The following ELK4 variants were observed in gnomAD, a reference collection of about 807,000 sequenced individuals.
ELK4 encodes the protein ETS transcription factor ELK4.
Under a neutral mutation model 29.6 loss-of-function variants are expected in ELK4, and 16 were observed. The ratio of observed to expected loss-of-function variants is 0.54; its 90% CI spans 0.37 to 0.82. ELK4 has a LOEUF of 0.82. ELK4 is among the 40% of genes least tolerant of loss of function. The pLI, the probability that ELK4 is intolerant of heterozygous loss-of-function variation, is 0.00. For synonymous variants in ELK4, 213 were observed against 191.1 expected (o/e 1.11, Z -0.95); for missense variants, 465 against 507.1 (o/e 0.92, Z 0.80).
intron 4 of ELK4, among the ~76,000 whole-genome samples, chr1:205,617,659 C>T (rs1325179122): frequency 2.6e-5 from 4 of 151,790 alleles, no homozygotes; most frequent in South Asian, 2.1e-4. Flanking sequence ...CCCAGCACTT[C>T]GGGAGGCTGA....
chr1:205,618,415 T>C (rs1670272298), intron 4 of ELK4, among the ~76,000 whole-genome samples: 1 of 152,142 alleles, frequency 6.6e-6, no homozygotes, highest in Admixed American at 6.5e-5. Flanking sequence ...GAACAATTCT[T>C]GGTCTAACTC....
chr1:205,631,304 C>CT (rs1281851098), intron 1 of ELK4, among the ~76,000 whole-genome samples: 2 of 152,234 alleles, frequency 1.3e-5, no homozygotes, highest in African/African-American at 4.8e-5. Context: ...AATTACTGTA[C>CT]TTTCATTTTC....
At position 205,609,986 on chromosome 1, in the gene ELK4, TAAAC is replaced by T. The variant is rs1406300501; in HGVS notation, c.*6556_*6559del. 2 of 230,104 alleles carry T rather than the reference TAAAC, an allele frequency of 8.7e-6. No homozygotes were observed. Among genetic ancestry groups the T allele is most frequent in the Non-Finnish European group, 1.7e-5 (2 of 116,144 alleles). The allele number at this position is 230,104 out of a possible 1,614,324, so 14.3% of individuals were successfully genotyped here. On this transcript the variant is annotated 3_prime_UTR_variant, in exon 5 of 5. Transcript: ENST00000357992. Reference sequence around the variant, plus strand: ...ACCCTCAATATCCTTAAGTTGAAATTAAACAAACAAAATAATCATTAAGTGCTTC... The same window carrying T: ...ACCCTCAATATCCTTAAGTTGAAATTAAACAAAATAATCATTAAGTGCTTC...
chr1:205,630,961 A>C (rs1670570755), intron 1 of ELK4, among the ~76,000 whole-genome samples: 1 of 152,254 alleles, frequency 6.6e-6, no homozygotes, highest in African/African-American at 2.4e-5. Flanking sequence ...TTCAAATAGC[A>C]ATAGCTGGAG....
rs752544709 is a variant in ELK4, at chr1:205,611,368, AC to A, written c.*5177del. ...AACCACCTTCTTTTCTTAATACACGACCAACCACAAGAATTCTAGATCCTAA... is the reference window on the plus strand; with the variant it reads ...AACCACCTTCTTTTCTTAATACACGACAACCACAAGAATTCTAGATCCTAA... On this transcript the variant is annotated 3_prime_UTR_variant, in exon 5 of 5. Coordinates refer to ENST00000357992, the MANE Select transcript of ELK4 (RefSeq NM_001973.4). 9.5e-6 allele frequency: 2 copies of A among 211,556 alleles called. No individual in the cohort carries two copies. Among genetic ancestry groups the A allele is most frequent in the Non-Finnish European group, 1.9e-5 (2 of 104,346 alleles). The allele number at this position is 211,556 out of a possible 1,614,324, so 13.1% of individuals were successfully genotyped here.
At chr1:205,619,447 A>C in intron 3 of ELK4, 1 of 1,062,892 alleles carries the variant, frequency 9.4e-7, no homozygotes. Context: ...CAGAGGAATA[A>C]TGGGTAACCA....
Position 205,611,158 on chromosome 1 carries a change from G to C in ELK4, c.*5388C>G, listed in dbSNP as rs1670145481. 4.7e-6 allele frequency: 1 copy of C among 213,518 alleles called. No homozygotes were observed. Among genetic ancestry groups the C allele is most frequent in the African/African-American group, 2.3e-5 (1 of 44,418 alleles). 13.2% of individuals were successfully genotyped at this position (213,518 alleles called of 1,614,324 possible). A position where few individuals can be genotyped will look rare whatever the true frequency, so the allele number is the denominator to read the frequency against. ...TGTGGATGGCAGCACCTTAGAAATT[G>C]CTATTTTCTGGCAGGCTATCAATCT... On this transcript the variant is annotated 3_prime_UTR_variant, in exon 5 of 5. Coordinates refer to ENST00000357992, the MANE Select transcript of ELK4 (RefSeq NM_001973.4).
intron 1 of ELK4, among the ~76,000 whole-genome samples, chr1:205,630,205 T>C (rs1044365106): frequency 3.9e-5 from 6 of 152,194 alleles, no homozygotes; most frequent in African/African-American, 1.4e-4. Context: ...AGAAAACACT[T>C]AACTGGTCCA....
intron 1 of ELK4, among the ~76,000 whole-genome samples, chr1:205,628,171 T>C (rs1670503635): frequency 5.3e-5 from 8 of 152,222 alleles, no homozygotes; most frequent in Admixed American, 5.2e-4. Flanking sequence ...TAAGCGGGGC[T>C]AAAATAGCGG....
intron 1 of ELK4, among the ~76,000 whole-genome samples, chr1:205,624,228 A>T (rs1008330101): frequency 3.9e-5 from 6 of 152,224 alleles, no homozygotes; most frequent in Admixed American, 3.3e-4. Flanking sequence ...CCTAAATTAT[A>T]GGAAAAAACA....
chr1:205,619,804 TTAAGA>T (rs760248422), intron 3 of ELK4, 157 bp downstream of exon 3: 22 of 1,543,442 alleles, frequency 1.4e-5, no homozygotes, highest in Non-Finnish European at 1.5e-5. Context: ...GCAATCCTAA[TTAAGA>T]TGAGAAATGG....
intron 3 of ELK4, chr1:205,619,474 GTTTTTT>G (rs1326263502): frequency 5.7e-6 from 6 of 1,053,942 alleles, no homozygotes; most frequent in Non-Finnish European, 6.9e-6. Context: ...CAGCATGTTT[GTTTTTT>G]TTTAATAATG....
intron 2 of ELK4, among the ~76,000 whole-genome samples, chr1:205,621,302 C>G (rs1670343031): frequency 6.6e-6 from 1 of 151,786 alleles, no homozygotes; most frequent in African/African-American, 2.4e-5. Context: ...ATTCATCTAG[C>G]CATACCAAAC....
At chr1:205,617,600 TA>T (rs559279562) in intron 4 of ELK4, among the ~76,000 whole-genome samples, 287 of 144,250 alleles carry the variant, frequency 2.0e-3, no homozygotes, top group Middle Eastern at 3.6e-3. Flanking sequence ...CTTTCTCTAT[TA>T]AAAAAAAAAA....
rs1670105681 is a variant in ELK4 at position 205,608,508 on chromosome 1, A to G, written c.*8038T>C. Reference sequence around the variant, plus strand: ...GCAGCTTCCCTCCAGCTGTTTCATCAACTAACATGAAGTTTAATAAATGTT... The same window carrying G: ...GCAGCTTCCCTCCAGCTGTTTCATCGACTAACATGAAGTTTAATAAATGTT... On this transcript the variant is annotated 3_prime_UTR_variant, in exon 5 of 5. Coordinates refer to ENST00000357992, the MANE Select transcript of ELK4 (RefSeq NM_001973.4). The G allele has an allele frequency of 5.0e-6, 1 of 198,620 alleles. No homozygotes were observed. The highest frequency in any genetic ancestry group is 2.3e-5 in the African/African-American group (1 of 43,422). 12.3% of individuals were successfully genotyped at this position (198,620 alleles called of 1,614,324 possible).
At position 205,609,448 on chromosome 1, in the gene ELK4, G is replaced by T. The variant is rs1455170050; in HGVS notation, c.*7098C>A. ...ATAATTGTGATTAGAAAAGATCCAGGGCCAAAACAAATAAATAGGCCTCAA... is the reference window on the plus strand; with the variant it reads ...ATAATTGTGATTAGAAAAGATCCAGTGCCAAAACAAATAAATAGGCCTCAA... On this transcript the variant is annotated 3_prime_UTR_variant, in exon 5 of 5. Coordinates refer to ENST00000357992, the MANE Select transcript of ELK4 (RefSeq NM_001973.4). 1.6e-5 allele frequency: 3 copies of T among 192,904 alleles called. No homozygotes were observed. The highest frequency in any genetic ancestry group is 2.2e-5 in the Non-Finnish European group (2 of 92,462). 11.9% of individuals were successfully genotyped at this position (192,904 alleles called of 1,614,324 possible).
intron 1 of ELK4, 86 bp from the exon 2 acceptor site, chr1:205,623,977 T>A: frequency 1.7e-6 from 2 of 1,196,166 alleles, no homozygotes; most frequent in Non-Finnish European, 2.4e-6. Flanking sequence ...TTAAGTGCTC[T>A]AAATGTATTA....
chr1:205,618,713 C>T (rs888708014), intron 4 of ELK4, among the ~76,000 whole-genome samples: 7 of 152,118 alleles, frequency 4.6e-5, no homozygotes, highest in African/African-American at 1.7e-4. Context: ...ATCTTAGCTA[C>T]TCCGGAGGCT....
intron 1 of ELK4, among the ~76,000 whole-genome samples, chr1:205,631,365 A>T (rs1670582012): frequency 6.6e-6 from 1 of 151,528 alleles, no homozygotes; most frequent in South Asian, 2.1e-4. Context: ...CTCCCCATCC[A>T]CGCCGAAAAA....
Sources: allele counts gnomAD v4.1 joint callset (sites outside exome capture counted in the v4.1 genomes callset), GRCh38; gene constraint gnomAD v4.1.1; transcripts MANE v1.5; gene names NCBI Gene and HGNC (gene_info 2026-07-23, HGNC 2026-07-21).